The following PRKG1 variants were observed in gnomAD, a reference collection of about 807,000 sequenced individuals.
The protein encoded by PRKG1 is protein kinase cGMP-dependent 1.
PRKG1 carries 35 observed loss-of-function variants against 88.1 expected under a neutral mutation model. The observed-to-expected ratio is 0.40, with a 90% CI of 0.30 to 0.53. The LOEUF is 0.53. PRKG1 is among the 20% of genes least tolerant of loss of function. The probability of loss-of-function intolerance (pLI) is 0.59; values close to 1 mark genes in which losing one functional copy is unlikely to be tolerated. For synonymous variants in PRKG1, 303 were observed against 292.5 expected, an observed-to-expected ratio of 1.04 and a Z score of -0.37; for missense variants, 540 against 839.8, an observed-to-expected ratio of 0.64 and a Z score of 4.41.
intron 2 of PRKG1, among the ~76,000 whole-genome samples, chr10:51,211,923 A>T (rs960152613): frequency 6.6e-6 from 1 of 152,218 alleles, no homozygotes; most frequent in East Asian, 1.9e-4. Flanking sequence ...TGCCATCCCC[A>T]TCAAGCTAAC....
chr10:51,963,757 T>A (rs1843503168), intron 5 of PRKG1, among the ~76,000 whole-genome samples: 1 of 152,106 alleles, frequency 6.6e-6, no homozygotes, highest in South Asian at 2.1e-4. Flanking sequence ...TCACTTATTT[T>A]TAAGTTTCCT....
intron 3 of PRKG1, among the ~76,000 whole-genome samples, chr10:51,791,808 T>G (rs2132584532): frequency 6.6e-6 from 1 of 152,112 alleles, no homozygotes; most frequent in African/African-American, 2.4e-5. Flanking sequence ...AACTGAGCCT[T>G]TAGGGACTAC....
intron 5 of PRKG1, among the ~76,000 whole-genome samples, chr10:51,964,363 T>C (rs1843518339): frequency 6.6e-6 from 1 of 152,238 alleles, no homozygotes; most frequent in African/African-American, 2.4e-5. Context: ...CATCTTTATG[T>C]TCATTCCAAT....
chr10:51,145,212 C>A (rs112481274), intron 1 of PRKG1, among the ~76,000 whole-genome samples: 9 of 152,230 alleles, frequency 5.9e-5, no homozygotes, highest in African/African-American at 2.2e-4. Context: ...TGGTGAGGAA[C>A]TTGTTTATAG....
chr10:52,004,916 T>C (rs1844691177), intron 5 of PRKG1, among the ~76,000 whole-genome samples: 1 of 152,110 alleles, frequency 6.6e-6, no homozygotes, highest in African/African-American at 2.4e-5. Flanking sequence ...GACAGACTGA[T>C]ACCCAGTCTC....
intron 5 of PRKG1, among the ~76,000 whole-genome samples, chr10:52,050,756 C>T (rs1845970200): frequency 6.6e-6 from 1 of 152,044 alleles, no homozygotes; most frequent in African/African-American, 2.4e-5. Context: ...TATGAAACAC[C>T]ATATCAGATG....
intron 10 of PRKG1, 99 bp from the exon 11 acceptor site, chr10:52,271,251 G>A: frequency 3.1e-6 from 4 of 1,296,998 alleles, no homozygotes; most frequent in Non-Finnish European, 4.2e-6. Flanking sequence ...AGGTGGCTGA[G>A]GTTCATTTAA....
At chr10:51,199,841 G>T (rs1464830340) in intron 2 of PRKG1, among the ~76,000 whole-genome samples, 2 of 152,256 alleles carry the variant, frequency 1.3e-5, no homozygotes, top group Admixed American at 6.5e-5. Context: ...CACATCCTGG[G>T]TTACAGTGCT....
At chr10:51,156,620 C>T (rs1189418865) in intron 2 of PRKG1, among the ~76,000 whole-genome samples, 1 of 151,940 alleles carries the variant, frequency 6.6e-6, no homozygotes, top group Non-Finnish European at 1.5e-5. Context: ...AAAATGACTA[C>T]AATTTTATAA....
At chr10:51,052,603 G>C (rs1564582504) in intron 1 of PRKG1, among the ~76,000 whole-genome samples, 1 of 152,140 alleles carries the variant, frequency 6.6e-6, no homozygotes, top group Admixed American at 6.6e-5. Flanking sequence ...GATTCAGTTA[G>C]TAAGCACAAC....
At chr10:51,174,239 C>A (rs934102026) in intron 2 of PRKG1, among the ~76,000 whole-genome samples, 11 of 151,778 alleles carry the variant, frequency 7.2e-5, no homozygotes, top group African/African-American at 2.2e-4. Context: ...TGTTATTTAA[C>A]CTTTATGAAC....
At chr10:51,992,389 A>T (rs1040777034) in intron 5 of PRKG1, among the ~76,000 whole-genome samples, 2 of 152,290 alleles carry the variant, frequency 1.3e-5, no homozygotes, top group African/African-American at 4.8e-5. Flanking sequence ...TTTAAAAAAA[A>T]AATCTTTAAT....
intron 5 of PRKG1, among the ~76,000 whole-genome samples, chr10:51,914,919 A>C (rs577197240): frequency 6.6e-6 from 1 of 152,332 alleles, no homozygotes. Flanking sequence ...AAAAAGACAA[A>C]AAAATAGGCA....
rs1438643873 is a variant in PRKG1 at position 51,093,799 on chromosome 10, TATACACAC to T, written c.311+18900_311+18907del. On this transcript the variant is annotated intron_variant, in intron 1 of 17. Transcript: ENST00000373980. ...CATATATATGTATTTTATATATATA[TATACACAC>T]ACACACACACACACACACACACACA... Among the ~76,000 whole-genome samples, 1,161 of 127,714 alleles carry T rather than the reference TATACACAC, an allele frequency of 9.1e-3. 11 individuals are homozygous for T. The highest frequency in any genetic ancestry group is 0.032 in the African/African-American group (938 of 29,318). 83.8% of individuals were successfully genotyped at this position (127,714 alleles called of 152,430 possible). A position where few individuals can be genotyped will look rare whatever the true frequency, so the allele number is the denominator to read the frequency against.
intron 2 of PRKG1, among the ~76,000 whole-genome samples, chr10:51,229,926 CA>C (rs35300789): frequency 0.011 from 363 of 33,570 alleles, 4 homozygotes; most frequent in Admixed American, 0.074. Context: ...GAGGCGATCT[CA>C]AAAAAAAAAA....
intron 1 of PRKG1, among the ~76,000 whole-genome samples, chr10:51,016,669 C>CTTTGTTTTTTTTTTTTTTTTTTTTTTT (rs1323068893): frequency 4.4e-5 from 1 of 22,768 alleles, no homozygotes; most frequent in Non-Finnish European, 8.3e-5. Context: ...TATTATTATC[C>CTTTGTTTTTTTTTTTTTTTTTTTTTTT]TTTCTTTTTT....
intron 4 of PRKG1, among the ~76,000 whole-genome samples, chr10:51,823,311 TG>T (rs1564661851): frequency 6.6e-6 from 1 of 152,146 alleles, no homozygotes. Context: ...TCCATGCTTT[TG>T]GGGAAAAATT....
At chr10:51,309,766 A>T (rs1330712460) in intron 2 of PRKG1, among the ~76,000 whole-genome samples, 1 of 152,132 alleles carries the variant, frequency 6.6e-6, no homozygotes, top group African/African-American at 2.4e-5. Context: ...GGAAAAAAAA[A>T]TTGTTATATC....
rs117554780 is a variant in PRKG1 at position 51,361,219 on chromosome 10, T to C, written c.479-106504T>C. ...ACAGGTGCCACTGCCACCACTAACGTCACTGCCATCCTCATTAGCATTTAT... is the reference window on the plus strand; with the variant it reads ...ACAGGTGCCACTGCCACCACTAACGCCACTGCCATCCTCATTAGCATTTAT... On this transcript the variant is annotated intron_variant, in intron 2 of 17. Transcript: ENST00000373980. 2.6e-3 allele frequency among the ~76,000 whole-genome samples: 391 copies of C among 152,002 alleles called. 8 individuals carry two copies. Among genetic ancestry groups the C allele is most frequent in the East Asian group, 0.013 (68 of 5,142 alleles).
Sources: allele counts gnomAD v4.1 joint callset (sites outside exome capture counted in the v4.1 genomes callset), GRCh38; gene constraint gnomAD v4.1.1; transcripts MANE v1.5; gene names NCBI Gene and HGNC (gene_info 2026-07-23, HGNC 2026-07-21).